GLIS3: variants seen among roughly 807,000 people sequenced by gnomAD.
GLIS3 encodes GLIS family zinc finger 3.
A neutral mutation model predicts 78.6 loss-of-function variants in GLIS3; 53 were observed. That is an observed-to-expected ratio of 0.67 (90% confidence interval 0.54 to 0.85). The LOEUF (loss-of-function observed/expected upper bound fraction) is 0.85, where lower values mean the gene tolerates loss of function less well. Among genes scored for constraint, GLIS3 ranks in the 40% least tolerant of loss-of-function variants. GLIS3 has a pLI of 0.00. For synonymous variants in GLIS3, 684 were observed against 509.9 expected, an observed-to-expected ratio of 1.34 and a Z score of -4.60; for missense variants, 1,703 against 1,231.1, an observed-to-expected ratio of 1.38 and a Z score of -5.74.
Position 4,299,891 on chromosome 9 carries a change from G to T in GLIS3, c.-569C>A, listed in dbSNP as rs1022489979. The stretch of plus-strand genomic sequence containing the variant: ...TCCGTCGCCGGTGTGACCCTGGACG[G>T]CGCGGACGGCGTACAGGGGGTCCCG... On this transcript the variant is annotated 5_prime_UTR_variant, in exon 1 of 11. Coordinates refer to ENST00000381971, the MANE Select transcript of GLIS3 (RefSeq NM_001042413.2). 1.3e-5 allele frequency: 2 copies of T among 152,184 alleles called. No homozygotes were observed. Among genetic ancestry groups the T allele is most frequent in the African/African-American group, 4.8e-5 (2 of 41,436 alleles). The allele number at this position is 152,184 out of a possible 1,614,324, so 9.4% of individuals were successfully genotyped here.
chr9:4,382,723 T>A, the GLIS3 span, among the ~76,000 whole-genome samples: 1 of 152,130 alleles, frequency 6.6e-6, no homozygotes, highest in African/African-American at 2.4e-5. Flanking sequence ...CGAGACAGCA[T>A]CTATATATAT....
intron 4 of GLIS3, among the ~76,000 whole-genome samples, chr9:4,023,249 C>T (rs1482274196): frequency 2.0e-5 from 3 of 152,218 alleles, no homozygotes; most frequent in Non-Finnish European, 2.9e-5. Context: ...TTCTAAGTTC[C>T]TGGTACTCAA....
At chr9:3,938,606 G>A (rs1213388728) in intron 4 of GLIS3, among the ~76,000 whole-genome samples, 1 of 152,148 alleles carries the variant, frequency 6.6e-6, no homozygotes, top group Non-Finnish European at 1.5e-5. Context: ...AGTATTTTAA[G>A]AAATTTATGA....
chr9:4,407,517 G>C, the GLIS3 span, among the ~76,000 whole-genome samples: 2 of 152,084 alleles, frequency 1.3e-5, no homozygotes, highest in African/African-American at 2.4e-5. Context: ...CGTGGTGGCG[G>C]GCGCCTGTAG....
chr9:4,409,066 G>C, the GLIS3 span, among the ~76,000 whole-genome samples: 4 of 151,972 alleles, frequency 2.6e-5, no homozygotes, highest in African/African-American at 9.7e-5. Context: ...AAAAAACAAG[G>C]TGTAACTTAT....
chr9:3,958,924 T>C (rs181715670), intron 4 of GLIS3, among the ~76,000 whole-genome samples: 34 of 152,342 alleles, frequency 2.2e-4, no homozygotes, highest in African/African-American at 7.9e-4. Context: ...AAGAACTTCT[T>C]GCTGGTTAAC....
rs200029119 is a variant in GLIS3, at chr9:3,982,213, GT to G, written c.1711-45025del. Among the ~76,000 whole-genome samples the G allele has an allele frequency of 9.9e-3, 1,446 of 146,380 alleles. 27 individuals carry two copies. Among genetic ancestry groups the G allele is most frequent in the African/African-American group, 0.032 (1,276 of 40,256 alleles). ...CAGCAGGAGGTACCTTTACCTCTCT[GT>G]TTTTTTTTTTCCTACATAGCTACAT... On this transcript the variant is annotated intron_variant, in intron 4 of 10. Transcript: ENST00000381971.
intron 2 of GLIS3, among the ~76,000 whole-genome samples, chr9:4,231,809 A>G (rs1401196037): frequency 6.6e-6 from 1 of 152,220 alleles, no homozygotes; most frequent in African/African-American, 2.4e-5. Context: ...CAATGGTCCT[A>G]CTACTCACAG....
intron 2 of GLIS3, among the ~76,000 whole-genome samples, chr9:4,169,632 G>T (rs1470537819): frequency 2.0e-5 from 3 of 152,260 alleles, no homozygotes; most frequent in African/African-American, 7.2e-5. Flanking sequence ...GTAGTTAAGA[G>T]AATAACTTGC....
At chr9:3,926,781 C>T (rs1825287822) in intron 6 of GLIS3, among the ~76,000 whole-genome samples, 1 of 152,106 alleles carries the variant, frequency 6.6e-6, no homozygotes, top group African/African-American at 2.4e-5. Flanking sequence ...CGCCACCATG[C>T]CTGGCTAATT....
At chr9:4,348,827 A>C (rs567885478), upstream of GLIS3, among the ~76,000 whole-genome samples, 58 of 152,246 alleles carry the variant, frequency 3.8e-4, no homozygotes, top group Non-Finnish European at 7.6e-4. Flanking sequence ...ACTTTTATTC[A>C]ACATAAATGT....
intron 2 of GLIS3, among the ~76,000 whole-genome samples, chr9:4,159,521 C>T (rs1835308572): frequency 6.6e-6 from 1 of 152,046 alleles, no homozygotes; most frequent in Non-Finnish European, 1.5e-5. Context: ...GAGTTTGAGA[C>T]CAGCCTGGCC....
At chr9:4,318,278 T>C (rs1186156876) in intron 2 of GLIS3, among the ~76,000 whole-genome samples, 1 of 152,078 alleles carries the variant, frequency 6.6e-6, no homozygotes, top group African/African-American at 2.4e-5. Context: ...TTTAAAGAAA[T>C]GTATATCTCC....
chr9:3,976,795 C>A (rs867274596), intron 4 of GLIS3, among the ~76,000 whole-genome samples: 29 of 26,184 alleles, frequency 1.1e-3, no homozygotes, highest in African/African-American at 3.3e-3. Flanking sequence ...CCTCCCCCTG[C>A]AAAAAAAAAA....
intron 1 of GLIS3, among the ~76,000 whole-genome samples, chr9:4,298,721 T>A (rs1051781716): frequency 6.6e-6 from 1 of 151,420 alleles, no homozygotes; most frequent in African/African-American, 2.4e-5. Flanking sequence ...GCGGGGAGGG[T>A]TCGTGTCTGG....
chr9:3,908,718 T>TTG (rs1297981192), intron 6 of GLIS3, among the ~76,000 whole-genome samples: 9 of 145,326 alleles, frequency 6.2e-5, no homozygotes, highest in Admixed American at 6.9e-5. Context: ...TTTTTTTTTT[T>TTG]TTTTTTTTTT....
Position 4,050,400 on chromosome 9 carries a change from G to C in GLIS3, c.1710+67368C>G, listed in dbSNP as rs191527242. 3.2e-3 allele frequency among the ~76,000 whole-genome samples: 487 copies of C among 152,156 alleles called. 2 individuals carry two copies. Among genetic ancestry groups the C allele is most frequent in the Non-Finnish European group, 5.3e-3 (361 of 68,000 alleles). On this transcript the variant is annotated intron_variant, in intron 4 of 10. Coordinates refer to ENST00000381971, the MANE Select transcript of GLIS3 (RefSeq NM_001042413.2). ...CTCACAGGTGGGAATTGAACAATGA[G>C]AACACTTGTACACAGGGCGGGGAAC...
chr9:4,017,276 G>T (rs1248816933), intron 4 of GLIS3, among the ~76,000 whole-genome samples: 1 of 152,156 alleles, frequency 6.6e-6, no homozygotes, highest in East Asian at 1.9e-4. Context: ...AGTCAGAGTG[G>T]TTTAACTGTT....
intron 5 of GLIS3, chr9:3,932,887 C>A (rs577312532): frequency 9.2e-6 from 3 of 325,660 alleles, no homozygotes; most frequent in Non-Finnish European, 1.9e-5. Context: ...GTAGAAAGTC[C>A]AGAAAAAAAC....
Sources: allele counts gnomAD v4.1 joint callset (sites outside exome capture counted in the v4.1 genomes callset), GRCh38; gene constraint gnomAD v4.1.1; transcripts MANE v1.5; gene names NCBI Gene and HGNC (gene_info 2026-07-23, HGNC 2026-07-21).